Variants in CDK14 observed in about 807,000 individuals in gnomAD.
CDK14 encodes cyclin-dependent kinase 14.
CDK14 carries 34 observed loss-of-function variants against 60.7 expected under a neutral mutation model. The observed-to-expected ratio is 0.56, with a 90% CI of 0.43 to 0.75. The LOEUF (loss-of-function observed/expected upper bound fraction) is 0.75, where lower values mean the gene tolerates loss of function less well. CDK14 is among the 30% of genes least tolerant of loss of function. The pLI is 0.00. For missense variants in CDK14, 482 were observed against 564.1 expected, an observed-to-expected ratio of 0.85 and a Z score of 1.47; for synonymous variants, 197 against 203.7, an observed-to-expected ratio of 0.97 and a Z score of 0.28.
chr7:90,676,923 A>G (rs1277773045), intron 2 of CDK14, among the ~76,000 whole-genome samples: 2 of 149,902 alleles, frequency 1.3e-5, no homozygotes, highest in African/African-American at 2.5e-5. Flanking sequence ...TACTTTCTAC[A>G]TGTTTATTCA....
At position 90,902,315 on chromosome 7, in the gene CDK14, G is replaced by A. The variant is rs1330367605; in HGVS notation, c.702+2962G>A. ...ATACTGAGCAAAAAGAACAAAGCTG[G>A]ATACTTCATACTACGTGACTTCAAA... is the stretch of plus-strand genomic sequence containing the variant. On this transcript the variant is annotated intron_variant, in intron 7 of 14. Transcript: ENST00000380050. Among the ~76,000 whole-genome samples the A allele has an allele frequency of 2.0e-5, 3 of 152,038 alleles. No homozygotes were observed. In the East Asian group the frequency reaches 5.8e-4, roughly 29 times the overall value.
chr7:91,145,746 T>G (rs927046407), intron 14 of CDK14, among the ~76,000 whole-genome samples: 5 of 152,186 alleles, frequency 3.3e-5, no homozygotes, highest in Admixed American at 3.3e-4. Flanking sequence ...CTCATCTTCC[T>G]TATTAACTTG....
chr7:90,619,093 C>G (rs770424216), intron 2 of CDK14, among the ~76,000 whole-genome samples: 12 of 152,184 alleles, frequency 7.9e-5, no homozygotes, highest in Non-Finnish European at 1.3e-4. Context: ...GTTTCCACCT[C>G]CATTGGGTAT....
intron 2 of CDK14, among the ~76,000 whole-genome samples, chr7:90,714,298 A>G (rs1205874186): frequency 6.6e-6 from 1 of 152,054 alleles, no homozygotes; most frequent in Non-Finnish European, 1.5e-5. Context: ...AAAAATACAA[A>G]GTTGACAGTG....
At chr7:90,920,008 C>CA (rs1264715005) in intron 8 of CDK14, among the ~76,000 whole-genome samples, 1 of 152,242 alleles carries the variant, frequency 6.6e-6, no homozygotes, top group Non-Finnish European at 1.5e-5. Context: ...ATCCTGTGCA[C>CA]AGAGTGTAGT....
At chr7:90,722,274 G>A (rs1802486756) in intron 2 of CDK14, among the ~76,000 whole-genome samples, 1 of 151,970 alleles carries the variant, frequency 6.6e-6, no homozygotes. Flanking sequence ...AGACTCTGCA[G>A]CTCACTGCAG....
intron 14 of CDK14, among the ~76,000 whole-genome samples, chr7:91,149,675 A>G (rs903921845): frequency 1.3e-5 from 2 of 152,206 alleles, no homozygotes; most frequent in Non-Finnish European, 2.9e-5. Flanking sequence ...AGTTCAAAGC[A>G]TGATGATGAC....
At chr7:90,670,749 G>A (rs959089135) in intron 2 of CDK14, among the ~76,000 whole-genome samples, 1 of 151,968 alleles carries the variant, frequency 6.6e-6, no homozygotes, top group Non-Finnish European at 1.5e-5. Context: ...TCCACCCCGC[G>A]ACCCAAAGAC....
intron 2 of CDK14, among the ~76,000 whole-genome samples, chr7:90,698,225 G>A (rs978734252): frequency 2.0e-5 from 3 of 152,024 alleles, no homozygotes; most frequent in Non-Finnish European, 2.9e-5. Flanking sequence ...AAATTATACT[G>A]TTCTGGTACT....
intron 9 of CDK14, among the ~76,000 whole-genome samples, chr7:90,972,796 A>G (rs958908532): frequency 6.6e-6 from 1 of 152,216 alleles, no homozygotes; most frequent in African/African-American, 2.4e-5. Context: ...ATAAAACTCC[A>G]TTCAAAACAG....
intron 6 of CDK14, among the ~76,000 whole-genome samples, chr7:90,867,257 T>C (rs147039685): frequency 6.6e-6 from 1 of 152,288 alleles, no homozygotes; most frequent in African/African-American, 2.4e-5. Flanking sequence ...AAGAGAAAGG[T>C]AGAAAATGTA....
chr7:90,901,456 T>C (rs1792502207), intron 7 of CDK14, among the ~76,000 whole-genome samples: 1 of 152,148 alleles, frequency 6.6e-6, no homozygotes, highest in African/African-American at 2.4e-5. Context: ...GTGATTTACC[T>C]CTTCTTATTT....
rs184646458 is a variant in CDK14 at position 91,113,623 on chromosome 7, A to G, written c.1294+942A>G. Among the ~76,000 whole-genome samples the G allele has an allele frequency of 8.6e-4, 131 of 152,286 alleles. 1 individual carries two copies. Among genetic ancestry groups the G allele is most frequent in the African/African-American group, 3.1e-3 (128 of 41,570 alleles). ...AAAAATGAACATACTGCATATATAC[A>G]TTAATATTTATAATGTGTTTATTAA... On this transcript the variant is annotated intron_variant, in intron 13 of 14. Transcript: ENST00000380050.
chr7:90,661,484 G>C (rs1026552501), intron 2 of CDK14, among the ~76,000 whole-genome samples: 1 of 152,192 alleles, frequency 6.6e-6, no homozygotes, highest in Non-Finnish European at 1.5e-5. Context: ...ATATATGCTA[G>C]TCTTAGTGAT....
chr7:91,001,041 G>T (rs1241708414), intron 10 of CDK14, among the ~76,000 whole-genome samples: 1 of 151,690 alleles, frequency 6.6e-6, no homozygotes, highest in East Asian at 1.9e-4. Flanking sequence ...TATTGTTACT[G>T]TTTTTTTTGT....
At chr7:90,598,984 G>A (rs1052261277) in intron 1 of CDK14, among the ~76,000 whole-genome samples, 5 of 152,078 alleles carry the variant, frequency 3.3e-5, no homozygotes, top group African/African-American at 1.2e-4. Flanking sequence ...GATTACAGGC[G>A]AGAGCCACCG....
chr7:90,818,142 C>G (rs1042575798), intron 5 of CDK14, among the ~76,000 whole-genome samples: 29 of 152,148 alleles, frequency 1.9e-4, no homozygotes, highest in African/African-American at 6.8e-4. Context: ...TCCAGATTTC[C>G]TTTCTTAGTC....
At chr7:90,858,147 C>T (rs534824032) in intron 5 of CDK14, among the ~76,000 whole-genome samples, 12 of 152,252 alleles carry the variant, frequency 7.9e-5, no homozygotes, top group Admixed American at 3.3e-4. Context: ...TTTCAGGTTT[C>T]ATCTAAGTGG....
intron 6 of CDK14, among the ~76,000 whole-genome samples, chr7:90,884,943 G>C (rs908844483): frequency 3.3e-5 from 5 of 152,144 alleles, no homozygotes; most frequent in African/African-American, 1.2e-4. Context: ...GTGCAAGATG[G>C]CTTAACGGCT....
Sources: allele counts gnomAD v4.1 joint callset (sites outside exome capture counted in the v4.1 genomes callset), GRCh38; gene constraint gnomAD v4.1.1; transcripts MANE v1.5; gene names NCBI Gene and HGNC (gene_info 2026-07-23, HGNC 2026-07-21).